EXD2: variants seen among roughly 807,000 people sequenced by gnomAD.
EXD2 encodes the protein exonuclease 3'-5' domain-containing protein 2.
In EXD2, 40 loss-of-function variants were observed where a neutral mutation model predicts 62.5. The ratio of observed to expected loss-of-function variants is 0.64; its 90% confidence interval spans 0.50 to 0.83. EXD2 has a LOEUF of 0.83. EXD2 is among the 40% of genes least tolerant of loss of function. EXD2 has a pLI of 0.00. For synonymous variants in EXD2, 239 were observed against 291.9 expected, an observed-to-expected ratio of 0.82 and a Z score of 1.85; for missense variants, 671 against 761.8, an observed-to-expected ratio of 0.88 and a Z score of 1.40.
intron 6 of EXD2, among the ~76,000 whole-genome samples, chr14:69,235,422 A>G (rs1165604110): frequency 6.6e-6 from 1 of 152,214 alleles, no homozygotes; most frequent in African/African-American, 2.4e-5. Context: ...TTCAGGAGAA[A>G]TGCATCATCT....
intron 1 of EXD2, among the ~76,000 whole-genome samples, chr14:69,203,007 G>A (rs1015224713): frequency 6.6e-6 from 1 of 152,158 alleles, no homozygotes; most frequent in African/African-American, 2.4e-5. Context: ...TCCAGCTGCT[G>A]GGAAGTAATA....
At chr14:69,222,640 A>T (rs2043224459) in intron 3 of EXD2, among the ~76,000 whole-genome samples, 1 of 152,202 alleles carries the variant, frequency 6.6e-6, no homozygotes, top group African/African-American at 2.4e-5. Context: ...AGATATTGCA[A>T]ACTGAGATGC....
In EXD2 at chr14:69,194,948, G is replaced by T. The variant is rs538207138; in HGVS notation, c.-132+3357G>T. 1.2e-3 allele frequency among the ~76,000 whole-genome samples: 188 copies of T among 152,266 alleles called. 1 individual carries two copies. The highest frequency in any genetic ancestry group is 4.3e-3 in the African/African-American group (179 of 41,554). On this transcript the variant is annotated intron_variant, in intron 1 of 9. Coordinates refer to ENST00000685843, the MANE Select transcript of EXD2 (RefSeq NM_001193360.2). ...TTTTAAGAGATGGGAGCCGGGCGCG[G>T]TGGCTTACGCCTGTAATCCCAGCAC...
chr14:69,232,134 G>T (rs1594776724), intron 5 of EXD2, among the ~76,000 whole-genome samples: 1 of 152,052 alleles, frequency 6.6e-6, no homozygotes, highest in South Asian at 2.1e-4. Flanking sequence ...CCTCCCTTCA[G>T]TTTTGCCTGG....
Position 69,201,335 on chromosome 14 carries a change from C to T in EXD2, c.-131-2582C>T, listed in dbSNP as rs150243802. Among the ~76,000 whole-genome samples the T allele has an allele frequency of 4.5e-3, 689 of 151,930 alleles. 1 individual carries two copies. Among genetic ancestry groups the T allele is most frequent in the Middle Eastern group, 0.01 (3 of 294 alleles). ...TCCTGAGTAACTGGGACTACAAGCA[C>T]ATGCCACAATGCCTGGCTAATTTTT... On this transcript the variant is annotated intron_variant, in intron 1 of 9. Transcript: ENST00000685843.
chr14:69,194,124 T>A (rs1462171151), intron 1 of EXD2, among the ~76,000 whole-genome samples: 1 of 146,970 alleles, frequency 6.8e-6, no homozygotes, highest in Non-Finnish European at 1.5e-5. Context: ...TACTGTCACC[T>A]CGAACAGTCA....
chr14:69,237,662 C>T lies in EXD2; in HGVS notation c.1380C>T (p.Thr460=). The T allele has an allele frequency of 6.2e-7, 1 of 1,614,236 alleles. No individual in the cohort carries two copies. The highest frequency in any genetic ancestry group is 8.5e-7 in the Non-Finnish European group (1 of 1,180,034). The part of the protein sequence containing the change: ...HNSHDVLLLC[T]SCHAISNYYD... ...CCCACGATGTGCTGCTGCTCTGCACCTCCTGCCATGCCATTTCCAACTACT... is the reference window on the plus strand; with the variant it reads ...CCCACGATGTGCTGCTGCTCTGCACTTCCTGCCATGCCATTTCCAACTACT... Residue 460 remains threonine, a synonymous_variant, in exon 9 of 10, where the codon ACC becomes ACT. Coordinates refer to ENST00000685843, the MANE Select transcript of EXD2 (RefSeq NM_001193360.2).
intron 9 of EXD2, among the ~76,000 whole-genome samples, chr14:69,239,442 A>T (rs536338725): frequency 1.4e-4 from 21 of 152,278 alleles, no homozygotes; most frequent in African/African-American, 3.1e-4. Context: ...GAAAACAAAA[A>T]TTTTTTTACT....
intron 3 of EXD2, among the ~76,000 whole-genome samples, chr14:69,219,891 T>G (rs1449280371): frequency 6.6e-6 from 1 of 152,238 alleles, no homozygotes; most frequent in Non-Finnish European, 1.5e-5. Context: ...ATAGTGGACA[T>G]CCTTGACTTA....
At chr14:69,217,517 G>A (rs1411242566) in intron 3 of EXD2, among the ~76,000 whole-genome samples, 2 of 152,060 alleles carry the variant, frequency 1.3e-5, no homozygotes, top group Non-Finnish European at 2.9e-5. Flanking sequence ...CCATTTTGGA[G>A]GGAGAGATTT....
intron 6 of EXD2, among the ~76,000 whole-genome samples, 162 bp downstream of exon 6, chr14:69,235,193 C>T (rs2043735220): frequency 1.3e-5 from 2 of 152,136 alleles, no homozygotes; most frequent in African/African-American, 4.8e-5. Flanking sequence ...TTGGTCTCTC[C>T]TTTGCTTTAT....
At chr14:69,202,849 T>C (rs925006914) in intron 1 of EXD2, among the ~76,000 whole-genome samples, 1 of 152,218 alleles carries the variant, frequency 6.6e-6, no homozygotes, top group African/African-American at 2.4e-5. Flanking sequence ...GGATTTTTGA[T>C]TTAAGTACAA....
intron 1 of EXD2, 77 bp from the exon 2 acceptor site, chr14:69,203,840 A>G (rs2042494421): frequency 6.6e-6 from 1 of 152,228 alleles, no homozygotes; most frequent in Non-Finnish European, 1.5e-5. Flanking sequence ...GTTCTAGCCA[A>G]TATACTAGGT....
chr14:69,195,634 C>T (rs1343899176), intron 1 of EXD2, among the ~76,000 whole-genome samples: 2 of 152,080 alleles, frequency 1.3e-5, no homozygotes, highest in South Asian at 2.1e-4. Context: ...ACATTTTTAT[C>T]ACCCCAAAAA....
intron 1 of EXD2, among the ~76,000 whole-genome samples, chr14:69,202,201 G>A (rs1295162512): frequency 1.3e-5 from 2 of 151,942 alleles, no homozygotes; most frequent in Non-Finnish European, 2.9e-5. Flanking sequence ...GCAAAACCCC[G>A]TTTCTACCAA....
intron 1 of EXD2, among the ~76,000 whole-genome samples, chr14:69,203,448 C>G (rs890576766): frequency 6.6e-6 from 1 of 152,050 alleles, no homozygotes; most frequent in African/African-American, 2.4e-5. Flanking sequence ...GTGCAGAAGG[C>G]CTTGGCCAGG....
intron 9 of EXD2, 24 bp downstream of exon 9, chr14:69,237,955 A>C: frequency 6.6e-7 from 1 of 1,525,406 alleles, no homozygotes; most frequent in African/African-American, 1.4e-5. Flanking sequence ...GAATTGTGGA[A>C]TGTACCAGGG....
intron 3 of EXD2, among the ~76,000 whole-genome samples, chr14:69,215,896 G>C (rs2042974434): frequency 6.6e-6 from 1 of 151,490 alleles, no homozygotes; most frequent in Non-Finnish European, 1.5e-5. Context: ...GAACCCTCCG[G>C]GAGTTAAATT....
intron 1 of EXD2, among the ~76,000 whole-genome samples, chr14:69,196,648 G>A (rs1331796724): frequency 6.7e-6 from 1 of 150,118 alleles, no homozygotes; most frequent in African/African-American, 2.5e-5. Context: ...TTGAGAGACA[G>A]GGTCTTACTC....
Sources: allele counts gnomAD v4.1 joint callset (sites outside exome capture counted in the v4.1 genomes callset), GRCh38; gene constraint gnomAD v4.1.1; transcripts MANE v1.5; gene names NCBI Gene and HGNC (gene_info 2026-07-23, HGNC 2026-07-21).